SP100: variants seen among roughly 807,000 people sequenced by gnomAD.
The protein encoded by SP100 is SP100 nuclear body protein, also known as nuclear autoantigen Sp-100.
Under a neutral mutation model 130.0 loss-of-function variants are expected in SP100, and 84 were observed. That is an observed-to-expected ratio of 0.65 (90% CI 0.54 to 0.77). The LOEUF is 0.77. SP100 is among the 30% of genes least tolerant of loss of function. The pLI, the probability that SP100 is intolerant of heterozygous loss-of-function variation, is 0.00. For synonymous variants in SP100, 331 were observed against 351.7 expected, an observed-to-expected ratio of 0.94 and a Z score of 0.66; for missense variants, 978 against 1,052.2, an observed-to-expected ratio of 0.93 and a Z score of 0.97.
chr2:230,495,717 C>T lies in SP100; in HGVS notation c.1645+1257C>T, dbSNP rs115054751. ...GCTTATTGCATTCCTCCTTTTCTTC[C>T]TCTTCTTTGTCTCTCTTTTATTTCC... On this transcript the variant is annotated intron_variant, in intron 18 of 28. Transcript: ENST00000340126. Among the ~76,000 whole-genome samples, 368 of 152,232 alleles carry T rather than the reference C, an allele frequency of 2.4e-3. 1 individual carries two copies. Among genetic ancestry groups the T allele is most frequent in the African/African-American group, 8.6e-3 (359 of 41,554 alleles).
At chr2:230,480,295 C>A (rs1203116082) in intron 17 of SP100, among the ~76,000 whole-genome samples, 1 of 152,108 alleles carries the variant, frequency 6.6e-6, no homozygotes, top group African/African-American at 2.4e-5. Context: ...ATTCTACCAG[C>A]TTGTGAAAAT....
At chr2:230,438,112 G>A (rs946966302) in intron 2 of SP100, among the ~76,000 whole-genome samples, 2 of 151,792 alleles carry the variant, frequency 1.3e-5, no homozygotes, top group Non-Finnish European at 2.9e-5. Context: ...AACATTTTTT[G>A]TGTCATTTTT....
intron 17 of SP100, among the ~76,000 whole-genome samples, chr2:230,479,188 C>T (rs2065712626): frequency 6.6e-6 from 1 of 152,148 alleles, no homozygotes; most frequent in Non-Finnish European, 1.5e-5. Flanking sequence ...CTCCAGATCC[C>T]ATATCATTTT....
Position 230,466,349 on chromosome 2 carries a change from AAAGAGGT to A in SP100, c.1195+1_1195+7del. 1 of 1,542,500 alleles carries A rather than the reference AAAGAGGT, an allele frequency of 6.5e-7. No homozygotes were observed. Among genetic ancestry groups the A allele is most frequent in the Non-Finnish European group, 9.0e-7 (1 of 1,115,546 alleles). ...TCTACATTCAGAGAAAGTTTTAAGA[AAAGAGGT>A]AAGAGAAAGCTTTAGGAAAAGAGGT... On this transcript the variant is annotated splice_donor_variant and coding_sequence_variant, in exon 12 of 29. Transcript: ENST00000340126. LOFTEE classifies it high-confidence loss of function.
chr2:230,450,664 A>G (rs1241377954), intron 8 of SP100, among the ~76,000 whole-genome samples: 4 of 152,104 alleles, frequency 2.6e-5, no homozygotes, highest in African/African-American at 2.4e-5. Context: ...TTACCACCAT[A>G]TACTCTCAAC....
chr2:230,499,486 CT>C, intron 19 of SP100, among the ~76,000 whole-genome samples: 1 of 6,320 alleles, frequency 1.6e-4, no homozygotes, highest in Admixed American at 7.2e-4. Flanking sequence ...CTCTCTCTCT[CT>C]CTCCCCCTAT....
intron 2 of SP100, among the ~76,000 whole-genome samples, chr2:230,426,339 A>C (rs894861940): frequency 8.5e-5 from 13 of 152,112 alleles, no homozygotes; most frequent in African/African-American, 2.9e-4. Context: ...AAATGGTTTA[A>C]GATTTTTCTC....
At chr2:230,498,682 G>GA in intron 19 of SP100, 147 bp downstream of exon 19, 3 of 428,928 alleles carry the variant, frequency 7.0e-6, no homozygotes, top group Non-Finnish European at 1.2e-5. Flanking sequence ...ATATGTCAGG[G>GA]AAAAAAAGAT....
chr2:230,518,455 A>G (rs1020383550), intron 24 of SP100, among the ~76,000 whole-genome samples: 29 of 151,900 alleles, frequency 1.9e-4, no homozygotes, highest in Non-Finnish European at 3.8e-4. Flanking sequence ...TGTCTATCAC[A>G]TGACAGTATC....
intron 24 of SP100, among the ~76,000 whole-genome samples, chr2:230,514,692 C>T (rs1019841546): frequency 6.6e-6 from 1 of 152,196 alleles, no homozygotes; most frequent in Admixed American, 6.5e-5. Context: ...TCCATATAGA[C>T]TCCTTTTAAG....
At chr2:230,436,977 T>TAC (rs1268771865) in intron 2 of SP100, among the ~76,000 whole-genome samples, 1 of 148,714 alleles carries the variant, frequency 6.7e-6, no homozygotes, top group Non-Finnish European at 1.5e-5. Context: ...TATATGTGTA[T>TAC]ACACACACAT....
chr2:230,427,492 T>C (rs1023768273), intron 2 of SP100, among the ~76,000 whole-genome samples: 1 of 152,046 alleles, frequency 6.6e-6, no homozygotes, highest in Non-Finnish European at 1.5e-5. Context: ...AGCAGATTGT[T>C]TGATATTGTG....
intron 17 of SP100, among the ~76,000 whole-genome samples, chr2:230,485,856 T>A (rs1451356593): frequency 6.6e-6 from 1 of 152,152 alleles, no homozygotes; most frequent in Non-Finnish European, 1.5e-5. Context: ...TTGGTTTATA[T>A]TATATGTTCT....
At chr2:230,482,113 G>A (rs2065860687) in intron 17 of SP100, among the ~76,000 whole-genome samples, 1 of 152,140 alleles carries the variant, frequency 6.6e-6, no homozygotes, top group Non-Finnish European at 1.5e-5. Flanking sequence ...TTGATTGTAA[G>A]TTTTTGATGT....
rs1553643170 is a variant in SP100 at position 230,506,376 on chromosome 2, C to T, written c.1944C>T (p.Asp648=). ...FTPREFEIEG[D]RGASKNWKLS... Reference sequence around the variant, plus strand: ...CCAGGGAATTTGAAATTGAAGGAGACCGCGGAGCATCCAAGAACTGGAAGC... The same window carrying T: ...CCAGGGAATTTGAAATTGAAGGAGATCGCGGAGCATCCAAGAACTGGAAGC... Residue 648 remains aspartate (D), a synonymous_variant, in exon 22 of 29, where the codon GAC becomes GAT. Transcript: ENST00000340126. 5.6e-6 allele frequency: 9 copies of T among 1,613,872 alleles called. No individual in the cohort carries two copies. In the South Asian group the frequency reaches 6.6e-5, roughly 12 times the overall value.
chr2:230,539,176 T>C, intron 24 of SP100, 91 bp from the exon 25 acceptor site: 2 of 761,164 alleles, frequency 2.6e-6, no homozygotes, highest in East Asian at 2.5e-5. Flanking sequence ...GACAGAAATT[T>C]ACAAGTGTGC....
At chr2:230,432,327 T>C (rs1003356160) in intron 2 of SP100, among the ~76,000 whole-genome samples, 1 of 152,204 alleles carries the variant, frequency 6.6e-6, no homozygotes, top group Non-Finnish European at 1.5e-5. Flanking sequence ...TTGACTATTA[T>C]GAATAATGCT....
At chr2:230,486,181 C>T (rs1213087722) in intron 17 of SP100, among the ~76,000 whole-genome samples, 1 of 152,144 alleles carries the variant, frequency 6.6e-6, no homozygotes, top group East Asian at 1.9e-4. Context: ...ACCATGGCAA[C>T]CCAGGAGAGA....
chr2:230,542,146 C>A, intron 28 of SP100, 111 bp downstream of exon 28: 2 of 1,099,582 alleles, frequency 1.8e-6, no homozygotes, highest in Non-Finnish European at 2.7e-6. Flanking sequence ...TATCATATGA[C>A]AAGCCCATAC....
Sources: allele counts gnomAD v4.1 joint callset (sites outside exome capture counted in the v4.1 genomes callset), GRCh38; gene constraint gnomAD v4.1.1; transcripts MANE v1.5; gene names NCBI Gene and HGNC (gene_info 2026-07-23, HGNC 2026-07-21).